CFTR: variants seen among roughly 807,000 people sequenced by gnomAD.
CFTR encodes CF transmembrane conductance regulator.
CFTR carries 181 observed loss-of-function variants against 171.6 expected under a neutral mutation model. The observed-to-expected ratio is 1.05, with a 90% confidence interval of 0.93 to 1.19. CFTR has a LOEUF of 1.19. CFTR is among the 50% of genes most tolerant of loss of function. The pLI is 0.00. For missense variants in CFTR, 1,968 were observed against 1,734.7 expected (o/e 1.13, Z -2.39); for synonymous variants, 583 against 608.0 (o/e 0.96, Z 0.60).
intron 23 of CFTR, among the ~76,000 whole-genome samples, chr7:117,642,811 G>T (rs1792941207): frequency 6.6e-6 from 1 of 152,136 alleles, no homozygotes; most frequent in East Asian, 1.9e-4. Context: ...AGCTTTGATA[G>T]TGTTTTTCAG....
At chr7:117,512,723 A>C (rs969993600) in intron 3 of CFTR, among the ~76,000 whole-genome samples, 4 of 151,372 alleles carry the variant, frequency 2.6e-5, no homozygotes, top group Non-Finnish European at 5.9e-5. Flanking sequence ...GGATAGTTTG[A>C]GGGAAGCCAA....
chr7:117,561,217 C>A (rs1799458491), intron 11 of CFTR, among the ~76,000 whole-genome samples: 1 of 151,768 alleles, frequency 6.6e-6, no homozygotes. Flanking sequence ...TAGCAGAGTC[C>A]CCTGTGTTAA....
At chr7:117,596,682 C>T (rs1792133564) in intron 15 of CFTR, among the ~76,000 whole-genome samples, 1 of 151,508 alleles carries the variant, frequency 6.6e-6, no homozygotes, top group African/African-American at 2.4e-5. Flanking sequence ...CAATCAGCAC[C>T]CTGTGTCTAG....
rs200211298 is a variant in CFTR at position 117,572,966 on chromosome 7, C to T, written c.1584+13311C>T. On this transcript the variant is annotated intron_variant, in intron 11 of 26. Coordinates refer to ENST00000003084, the MANE Select transcript of CFTR (RefSeq NM_000492.4). ...TGGTATTTTCCTATCTACAAAGTCA[C>T]AGGAAGCTCAAATGTACTCAGTAAA... Among the ~76,000 whole-genome samples the T allele has an allele frequency of 3.3e-5, 5 of 152,234 alleles. No homozygotes were observed. The East Asian group carries it at 9.6e-4, about 29-fold the overall frequency.
intron 4 of CFTR, 89 bp from the exon 5 acceptor site, chr7:117,534,184 CATA>C (rs1390585407): frequency 4.4e-6 from 3 of 679,664 alleles, no homozygotes; most frequent in Admixed American, 2.1e-5. Flanking sequence ...ATAATGAATG[CATA>C]ATAACTGAAT....
rs186180991 is a variant in CFTR at position 117,634,265 on chromosome 7, C to T, written c.3717+6495C>T. 1.9e-3 allele frequency among the ~76,000 whole-genome samples: 291 copies of T among 152,106 alleles called. 1 individual carries two copies. Among genetic ancestry groups the T allele is most frequent in the African/African-American group, 6.8e-3 (283 of 41,532 alleles). Reference sequence around the variant, plus strand: ...TCATTTAGGTTATCAAATATGTCAACGTAGAGTTATTCATAGTATTCTTTT... The same window carrying T: ...TCATTTAGGTTATCAAATATGTCAATGTAGAGTTATTCATAGTATTCTTTT... On this transcript the variant is annotated intron_variant, in intron 22 of 26. Transcript: ENST00000003084.
At position 117,573,990 on chromosome 7, in the gene CFTR, G is replaced by C. The variant is rs190106907; in HGVS notation, c.1585-13749G>C. On this transcript the variant is annotated intron_variant, in intron 11 of 26. Transcript: ENST00000003084. ...CCTGTGTGTAAGGCTTCTCTGATAAGCAGCACAGGCTCTCATACTGCTTTT... is the reference window on the plus strand; with the variant it reads ...CCTGTGTGTAAGGCTTCTCTGATAACCAGCACAGGCTCTCATACTGCTTTT... 2.1e-4 allele frequency among the ~76,000 whole-genome samples: 32 copies of C among 152,178 alleles called. No individual in the cohort carries two copies. The East Asian group carries it at 5.6e-3, about 27-fold the overall frequency.
At chr7:117,560,819 T>A (rs2115942897) in intron 11 of CFTR, 1 of 152,230 alleles carries the variant, frequency 6.6e-6, no homozygotes, top group Non-Finnish European at 1.5e-5. Flanking sequence ...TCTGGATTTG[T>A]TACAAAAAAA....
At chr7:117,497,216 T>C (rs1462967106) in intron 1 of CFTR, among the ~76,000 whole-genome samples, 2 of 152,200 alleles carry the variant, frequency 1.3e-5, no homozygotes, top group Non-Finnish European at 2.9e-5. Context: ...GTTGGAGATA[T>C]TACCAAGACC....
chr7:117,538,688 T>G (rs1466235970), intron 7 of CFTR, among the ~76,000 whole-genome samples: 5 of 152,216 alleles, frequency 3.3e-5, no homozygotes, highest in African/African-American at 1.2e-4. Flanking sequence ...GGAGATGACA[T>G]GTTTTCCTTC....
intron 18 of CFTR, among the ~76,000 whole-genome samples, chr7:117,608,102 T>C (rs1003130315): frequency 1.3e-5 from 2 of 152,208 alleles, no homozygotes; most frequent in Non-Finnish European, 2.9e-5. Context: ...AGAACTCCTC[T>C]GGAAGGGTTA....
rs58595399 is a variant in CFTR at position 117,612,025 on chromosome 7, A to G, written c.3367+217A>G. On this transcript the variant is annotated intron_variant, in intron 20 of 26. Transcript: ENST00000003084. ...AAATCGGATATATATATATATATGT[A>G]TATATATATATATATATATATATAT... 7.0e-3 allele frequency among the ~76,000 whole-genome samples: 296 copies of G among 42,430 alleles called. 6 individuals are homozygous for G. Among genetic ancestry groups the G allele is most frequent in the East Asian group, 0.031 (70 of 2,240 alleles). 27.8% of individuals were successfully genotyped at this position (42,430 alleles called of 152,430 possible). A position where few individuals can be genotyped will look rare whatever the true frequency, so the allele number is the denominator to read the frequency against.
At chr7:117,519,652 A>G (rs1798655003) in intron 3 of CFTR, among the ~76,000 whole-genome samples, 3 of 151,996 alleles carry the variant, frequency 2.0e-5, no homozygotes, top group Admixed American at 2.0e-4. Flanking sequence ...GGGAATTTAT[A>G]CTTAATAAAG....
chr7:117,643,310 A>G (rs1792948760), intron 23 of CFTR, among the ~76,000 whole-genome samples: 1 of 152,142 alleles, frequency 6.6e-6, no homozygotes, highest in Non-Finnish European at 1.5e-5. Flanking sequence ...GTATATTCAC[A>G]TTTAATGATC....
intron 1 of CFTR, among the ~76,000 whole-genome samples, chr7:117,484,538 A>C (rs1468656353): frequency 6.6e-6 from 1 of 152,068 alleles, no homozygotes; most frequent in Non-Finnish European, 1.5e-5. Context: ...AGTCTTTTCT[A>C]TTTATCCTTT....
At position 117,667,061 on chromosome 7, in the gene CFTR, G is replaced by T. The variant is rs199827645; in HGVS notation, c.4396G>T (p.Ala1466Ser). 8.1e-6 allele frequency: 13 copies of T among 1,614,028 alleles called. No individual in the cohort carries two copies. The highest frequency in any genetic ancestry group is 1.1e-5 in the Non-Finnish European group (13 of 1,179,956). Residue 1466 changes from alanine (A) to serine (S), a missense_variant, in exon 27 of 27, where the codon GCT becomes TCT. Ala to Ser is a moderately conservative substitution (Grantham distance 99, BLOSUM62 1). Coordinates refer to ENST00000003084, the MANE Select transcript of CFTR (RefSeq NM_000492.4). ...GTGCAAGTCTAAGCCCCAGATTGCT[G>T]CTCTGAAAGAGGAGACAGAAGAAGA... ...SKCKSKPQIA[A>S]LKEETEEEVQ...
At chr7:117,610,996 G>T (rs1792377177) in intron 19 of CFTR, among the ~76,000 whole-genome samples, 1 of 152,018 alleles carries the variant, frequency 6.6e-6, no homozygotes, top group Non-Finnish European at 1.5e-5. Context: ...ATTACTAAAG[G>T]TTTCTCTGGG....
intron 11 of CFTR, among the ~76,000 whole-genome samples, chr7:117,566,497 A>G (rs1326003226): frequency 6.6e-6 from 1 of 152,028 alleles, no homozygotes; most frequent in Non-Finnish European, 1.5e-5. Context: ...AAGAATAAAC[A>G]TCACTAAATG....
chr7:117,624,558 G>A lies in CFTR; in HGVS notation c.3469-2964G>A, dbSNP rs1198686877. Among the ~76,000 whole-genome samples, 4 of 152,152 alleles carry A rather than the reference G, an allele frequency of 2.6e-5. No individual in the cohort carries two copies. In the East Asian group the frequency reaches 5.8e-4, roughly 22 times the overall value. ...TGAGTATTTCCTGGGCTTTGCCTTG[G>A]AATTGAGGCACGGGCCTCCTTTGTT... On this transcript the variant is annotated intron_variant, in intron 21 of 26. Coordinates refer to ENST00000003084, the MANE Select transcript of CFTR (RefSeq NM_000492.4).
Sources: allele counts gnomAD v4.1 joint callset (sites outside exome capture counted in the v4.1 genomes callset), GRCh38; gene constraint gnomAD v4.1.1; transcripts MANE v1.5; gene names NCBI Gene and HGNC (gene_info 2026-07-23, HGNC 2026-07-21).